Variants in PSMD14 observed in about 807,000 individuals in gnomAD.
PSMD14 encodes the protein proteasome 26S subunit, non-ATPase 14, also known as ubiquitin C-terminal hydrolase PSMD14.
PSMD14 carries 7 observed loss-of-function variants against 41.2 expected under a neutral mutation model. That is an observed-to-expected ratio of 0.17 (90% CI 0.10 to 0.32). The LOEUF (loss-of-function observed/expected upper bound fraction) is 0.32. Ranked by LOEUF, PSMD14 falls within the 10% of genes least tolerant of loss-of-function variation. The probability of loss-of-function intolerance (pLI) is 1.00; values close to 1 mark genes in which losing one functional copy is unlikely to be tolerated. For missense variants in PSMD14, 139 were observed against 375.6 expected (o/e 0.37, Z 5.21); for synonymous variants, 114 against 122.3 (o/e 0.93, Z 0.45).
At chr2:161,378,414 T>A (rs1683530515) in intron 7 of PSMD14, among the ~76,000 whole-genome samples, 1 of 152,002 alleles carries the variant, frequency 6.6e-6, no homozygotes, top group Non-Finnish European at 1.5e-5. Context: ...TGTTTATAGA[T>A]AATGGATATT....
chr2:161,318,839 T>G lies in PSMD14; in HGVS notation c.14T>G (p.Leu5Arg). The G allele has an allele frequency of 1.2e-6, 2 of 1,613,068 alleles. No homozygotes were observed. Among genetic ancestry groups the G allele is most frequent in the Non-Finnish European group, 1.7e-6 (2 of 1,179,326 alleles). ...TTTTCTAGAAATATGGACAGACTTC[T>G]TAGACTTGGAGGAGGTATGCCTGGA... MDRLLRLGGGMPGLG... is the reference protein window; with the variant it reads MDRLRRLGGGMPGLG... Residue 5 changes from leucine (L) to arginine (R), a missense_variant, in exon 3 of 12, where the codon CTT becomes CGT. Physicochemically the swap from Leu to Arg is moderately radical, Grantham distance 102. Transcript: ENST00000409682.
intron 8 of PSMD14, among the ~76,000 whole-genome samples, chr2:161,386,808 G>A (rs1683641923): frequency 6.6e-6 from 1 of 151,884 alleles, no homozygotes; most frequent in Non-Finnish European, 1.5e-5. Context: ...TACATGGTAT[G>A]TTTCTGCCAG....
chr2:161,325,228 A>AT (rs1036307866), intron 3 of PSMD14, among the ~76,000 whole-genome samples: 1 of 152,120 alleles, frequency 6.6e-6, no homozygotes, highest in African/African-American at 2.4e-5. Flanking sequence ...TAAGGGAAAA[A>AT]TACTGTGGGT....
At chr2:161,370,965 A>G (rs1311144305) in intron 6 of PSMD14, among the ~76,000 whole-genome samples, 1 of 152,146 alleles carries the variant, frequency 6.6e-6, no homozygotes, top group Admixed American at 6.6e-5. Flanking sequence ...GCATCTCTTA[A>G]TGATAGCACT....
intron 3 of PSMD14, among the ~76,000 whole-genome samples, chr2:161,360,604 C>G (rs1683276803): frequency 6.6e-6 from 1 of 152,112 alleles, no homozygotes; most frequent in Non-Finnish European, 1.5e-5. Flanking sequence ...ATCCGCTTGC[C>G]TCTGCCTCCC....
chr2:161,311,184 C>T (rs1054185826), intron 1 of PSMD14, among the ~76,000 whole-genome samples: 14 of 152,110 alleles, frequency 9.2e-5, no homozygotes, highest in Non-Finnish European at 2.1e-4. Flanking sequence ...GGGCGTGTGC[C>T]TGTAATCCCA....
At chr2:161,327,878 T>TA (rs141704526) in intron 3 of PSMD14, among the ~76,000 whole-genome samples, 20,307 of 145,462 alleles carry the variant, frequency 0.14, 1,670 homozygotes, top group East Asian at 0.3. Flanking sequence ...TTAGATTAGT[T>TA]AAAAAACAAA....
rs138982469 is a variant in PSMD14, at chr2:161,332,115, T to C, written c.48+13242T>C. ...AAAGTAAGATGCTTGCTTTTTAAAA[T>C]TTTTGGGAAATTAAAATATTTAGGA... On this transcript the variant is annotated intron_variant, in intron 3 of 11. Coordinates refer to ENST00000409682, the MANE Select transcript of PSMD14 (RefSeq NM_005805.6). 6.8e-4 allele frequency among the ~76,000 whole-genome samples: 104 copies of C among 152,300 alleles called. 1 individual carries two copies. In the East Asian group the frequency reaches 0.016, roughly 24 times the overall value.
chr2:161,382,379 CAACAAGAA>C (rs1559051385), intron 7 of PSMD14: 1 of 151,716 alleles, frequency 6.6e-6, no homozygotes, highest in African/African-American at 2.4e-5. Flanking sequence ...AAAATTTATT[CAACAAGAA>C]AACAGACCTT....
chr2:161,311,938 C>T (rs1022111077), intron 1 of PSMD14, among the ~76,000 whole-genome samples: 12 of 151,878 alleles, frequency 7.9e-5, no homozygotes, highest in South Asian at 6.2e-4. Context: ...TTCTAAGTTG[C>T]GGAAATCTTG....
At chr2:161,410,695 C>T (rs1684012280) in intron 11 of PSMD14, among the ~76,000 whole-genome samples, 1 of 152,006 alleles carries the variant, frequency 6.6e-6, no homozygotes, top group Admixed American at 6.6e-5. Flanking sequence ...CTACATGAAA[C>T]ATTCTTAACA....
intron 1 of PSMD14, among the ~76,000 whole-genome samples, chr2:161,311,747 TGG>T (rs1689089936): frequency 6.6e-6 from 1 of 150,388 alleles, no homozygotes; most frequent in African/African-American, 2.4e-5. Flanking sequence ...CCTGCCTAGC[TGG>T]GATTACAGGT....
At chr2:161,388,037 A>G (rs1181917502) in intron 8 of PSMD14, among the ~76,000 whole-genome samples, 1 of 152,064 alleles carries the variant, frequency 6.6e-6, no homozygotes, top group East Asian at 1.9e-4. Flanking sequence ...TTGAGAGTTA[A>G]CAAGCATTTA....
At chr2:161,366,181 T>C (rs1364765418) in intron 3 of PSMD14, among the ~76,000 whole-genome samples, 3 of 152,186 alleles carry the variant, frequency 2.0e-5, no homozygotes, top group Non-Finnish European at 4.4e-5. Flanking sequence ...TGATAATAGA[T>C]GAAGAATTTG....
chr2:161,346,776 A>G (rs1455863452), intron 3 of PSMD14, among the ~76,000 whole-genome samples: 5 of 151,228 alleles, frequency 3.3e-5, no homozygotes, highest in Admixed American at 3.3e-4. Context: ...GAATTCTGAA[A>G]TTTTCTAGTT....
intron 2 of PSMD14, 86 bp from the exon 3 acceptor site, chr2:161,318,719 AATATTTTTGACATACTG>A: frequency 1.2e-6 from 1 of 810,750 alleles, no homozygotes; most frequent in Non-Finnish European, 2.1e-6. Context: ...AATTACCACC[AATATTTTTGACATACTG>A]AGTGACTGAA....
chr2:161,350,409 A>G (rs1683101696), intron 3 of PSMD14, among the ~76,000 whole-genome samples: 1 of 152,240 alleles, frequency 6.6e-6, no homozygotes, highest in Non-Finnish European at 1.5e-5. Context: ...TATACCAAGA[A>G]GGAAGTTAAC....
At chr2:161,376,265 T>G (rs888080472) in intron 7 of PSMD14, among the ~76,000 whole-genome samples, 29 of 151,644 alleles carry the variant, frequency 1.9e-4, no homozygotes, top group Admixed American at 1.6e-3. Flanking sequence ...GCTTCAGATT[T>G]TTCATCTATA....
intron 3 of PSMD14, among the ~76,000 whole-genome samples, chr2:161,327,950 G>T (rs1291431365): frequency 7.2e-6 from 1 of 139,462 alleles, no homozygotes; most frequent in Non-Finnish European, 1.5e-5. Flanking sequence ...TGTAAGCTGT[G>T]TGTGTGTGTG....
Sources: allele counts gnomAD v4.1 joint callset (sites outside exome capture counted in the v4.1 genomes callset), GRCh38; gene constraint gnomAD v4.1.1; transcripts MANE v1.5; gene names NCBI Gene and HGNC (gene_info 2026-07-23, HGNC 2026-07-21).